NCOA1: variants seen among roughly 807,000 people sequenced by gnomAD.
NCOA1 encodes the protein Hin-2 protein.
In NCOA1, 35 loss-of-function variants were observed where a neutral mutation model predicts 150.9. That is an observed-to-expected ratio of 0.23 (90% CI 0.18 to 0.31). NCOA1 has a LOEUF of 0.31. NCOA1 is among the 10% of genes least tolerant of loss of function. The pLI is 1.00. For missense variants in NCOA1, 1,491 were observed against 1,749.3 expected (o/e 0.85, Z 2.63); for synonymous variants, 590 against 630.0 (o/e 0.94, Z 0.95).
chr2:24,615,536 G>A (rs942358299), intron 3 of NCOA1, among the ~76,000 whole-genome samples: 9 of 152,152 alleles, frequency 5.9e-5, no homozygotes, highest in East Asian at 3.8e-4. Flanking sequence ...AGTCTAGGAC[G>A]TTGTTGATGG....
At chr2:24,704,873 ATT>A (rs1276932355) in intron 11 of NCOA1, among the ~76,000 whole-genome samples, 1 of 152,158 alleles carries the variant, frequency 6.6e-6, no homozygotes, top group Non-Finnish European at 1.5e-5. Flanking sequence ...CTATGACTCA[ATT>A]AAAACCTGTC....
chr2:24,504,329 G>T (rs1663600439), intron 1 of NCOA1, among the ~76,000 whole-genome samples: 1 of 152,190 alleles, frequency 6.6e-6, no homozygotes, highest in Admixed American at 6.5e-5. Context: ...AGCCTCCTTG[G>T]TTACTGTGGC....
chr2:24,576,149 G>GTTTTTTTTTGTTTTTTTTTTTTTT (rs1666947727), intron 2 of NCOA1, among the ~76,000 whole-genome samples: 15 of 94,004 alleles, frequency 1.6e-4, no homozygotes, highest in Non-Finnish European at 2.3e-4. Flanking sequence ...TTTGGCCTTT[G>GTTTTTTTTTGTTTTTTTTTTTTTT]TTTTTTTTTT....
chr2:24,575,223 T>C (rs1666905539), intron 2 of NCOA1, among the ~76,000 whole-genome samples: 1 of 152,208 alleles, frequency 6.6e-6, no homozygotes, highest in African/African-American at 2.4e-5. Flanking sequence ...TCTATTGCTA[T>C]ATCTTTAAGT....
intron 14 of NCOA1, among the ~76,000 whole-genome samples, chr2:24,717,306 T>C (rs1472399055): frequency 2.0e-5 from 3 of 152,212 alleles, no homozygotes; most frequent in African/African-American, 7.2e-5. Flanking sequence ...TGCACATGAA[T>C]GTTTATGGCA....
chr2:24,618,669 T>C (rs1315366843), intron 3 of NCOA1, among the ~76,000 whole-genome samples: 1 of 152,168 alleles, frequency 6.6e-6, no homozygotes, highest in Admixed American at 6.5e-5. Flanking sequence ...CCTTCTGTTC[T>C]ACCTCTACAA....
At position 24,576,160 on chromosome 2, in the gene NCOA1, TTTG is replaced by T. The variant is rs1221810166; in HGVS notation, c.-259-8313_-259-8311del. Among the ~76,000 whole-genome samples, 45 of 93,100 alleles carry T rather than the reference TTTG, an allele frequency of 4.8e-4. 1 individual carries two copies. Among genetic ancestry groups the T allele is most frequent in the African/African-American group, 1.9e-3 (42 of 22,426 alleles). 61.1% of individuals were successfully genotyped at this position (93,100 alleles called of 152,430 possible). A position where few individuals can be genotyped will look rare whatever the true frequency, so the allele number is the denominator to read the frequency against. ...ATTATTTGGCCTTTGTTTTTTTTTT[TTTG>T]TTTTTTGTTTTTTTTTTTTTTTTTT... On this transcript the variant is annotated intron_variant, in intron 2 of 22. Transcript: ENST00000348332.
chr2:24,653,412 C>A (rs906552845), intron 4 of NCOA1, among the ~76,000 whole-genome samples: 1 of 151,998 alleles, frequency 6.6e-6, no homozygotes, highest in African/African-American at 2.4e-5. Context: ...TAAGAAATTT[C>A]ATGTTTCTCA....
chr2:24,631,951 A>G (rs990726813), intron 3 of NCOA1, among the ~76,000 whole-genome samples: 5 of 152,246 alleles, frequency 3.3e-5, no homozygotes, highest in Non-Finnish European at 7.3e-5. Context: ...TAATATATAC[A>G]TGAAGTAAAA....
At chr2:24,562,443 C>T (rs1007912713) in intron 1 of NCOA1, among the ~76,000 whole-genome samples, 10 of 152,156 alleles carry the variant, frequency 6.6e-5, no homozygotes, top group African/African-American at 9.7e-5. Context: ...ATAAGGGATA[C>T]TCAATCTGTA....
chr2:24,750,835 A>G (rs1015586457), intron 19 of NCOA1, among the ~76,000 whole-genome samples: 9 of 151,944 alleles, frequency 5.9e-5, no homozygotes, highest in Non-Finnish European at 5.9e-5. Flanking sequence ...ACAACTCTAT[A>G]AATTTACTAA....
intron 21 of NCOA1, among the ~76,000 whole-genome samples, chr2:24,762,097 C>T (rs999463869): frequency 2.6e-5 from 4 of 152,240 alleles, no homozygotes; most frequent in South Asian, 2.1e-4. Context: ...GCCTGCCAGG[C>T]GCTGCCTGGA....
At chr2:24,593,768 G>A (rs2148340111) in intron 3 of NCOA1, among the ~76,000 whole-genome samples, 1 of 152,238 alleles carries the variant, frequency 6.6e-6, no homozygotes, top group African/African-American at 2.4e-5. Context: ...TTGAATTCCT[G>A]TTGTCATGCG....
At chr2:24,712,160 C>A (rs1673777253) in intron 14 of NCOA1, among the ~76,000 whole-genome samples, 1 of 152,162 alleles carries the variant, frequency 6.6e-6, no homozygotes, top group Admixed American at 6.5e-5. Flanking sequence ...ACAGTCTTAC[C>A]TCAAGGAAGT....
chr2:24,702,696 A>T (rs775950349), intron 11 of NCOA1, among the ~76,000 whole-genome samples: 34 of 152,196 alleles, frequency 2.2e-4, no homozygotes, highest in Non-Finnish European at 4.4e-4. Flanking sequence ...ATCTTTCCTC[A>T]CTAAGTGTTC....
intron 4 of NCOA1, among the ~76,000 whole-genome samples, chr2:24,655,767 A>G (rs1030353229): frequency 6.6e-6 from 1 of 152,174 alleles, no homozygotes; most frequent in African/African-American, 2.4e-5. Flanking sequence ...AAAGGAGAAT[A>G]TGAAGAAAGG....
intron 22 of NCOA1, among the ~76,000 whole-genome samples, chr2:24,765,493 T>A (rs1156316912): frequency 7.0e-6 from 1 of 143,876 alleles, no homozygotes; most frequent in African/African-American, 2.5e-5. Context: ...AGCAAGACTC[T>A]GTCTCAAAAA....
intron 3 of NCOA1, among the ~76,000 whole-genome samples, chr2:24,613,452 C>G (rs1392973438): frequency 6.6e-6 from 1 of 152,200 alleles, no homozygotes. Flanking sequence ...CAGGCACAAT[C>G]ACTAACACTG....
At position 24,769,806 on chromosome 2, in the gene NCOA1, A is replaced by C. The variant is rs1665234762; in HGVS notation, c.*1415A>C. On this transcript the variant is annotated 3_prime_UTR_variant, in exon 23 of 23. Coordinates refer to ENST00000348332, the MANE Select transcript of NCOA1 (RefSeq NM_003743.5). ...CGCTGCAAGGCCAGGAAAGCTTGAG[A>C]AAGGTATTGTGGAAGAAGCAAAGGT... 4.5e-6 allele frequency: 1 copy of C among 223,636 alleles called. No individual in the cohort carries two copies. The highest frequency in any genetic ancestry group is 1.8e-4 in the South Asian group (1 of 5,454). The allele number at this position is 223,636 out of a possible 1,614,324, so 13.9% of individuals were successfully genotyped here.
Sources: allele counts gnomAD v4.1 joint callset (sites outside exome capture counted in the v4.1 genomes callset), GRCh38; gene constraint gnomAD v4.1.1; transcripts MANE v1.5; gene names NCBI Gene and HGNC (gene_info 2026-07-23, HGNC 2026-07-21).